The following PRDM5 variants were observed in gnomAD, a reference collection of about 807,000 sequenced individuals.
PRDM5 encodes PR domain zinc finger protein 5.
Under a neutral mutation model 81.2 loss-of-function variants are expected in PRDM5, and 56 were observed. The observed-to-expected ratio is 0.69, with a 90% confidence interval of 0.56 to 0.86. The LOEUF is 0.86. Ranked by LOEUF, PRDM5 falls within the 40% of genes least tolerant of loss-of-function variation. PRDM5 has a pLI of 0.00. For missense variants in PRDM5, 697 were observed against 770.1 expected (o/e 0.91, Z 1.12); for synonymous variants, 267 against 256.4 (o/e 1.04, Z -0.39).
intron 2 of PRDM5, among the ~76,000 whole-genome samples, chr4:120,865,002 A>C (rs1011204611): frequency 1.3e-5 from 2 of 152,216 alleles, no homozygotes; most frequent in Admixed American, 1.3e-4. Context: ...CTGCTCTGGC[A>C]ACAAAAAATC....
At chr4:120,866,151 C>A (rs758964493) in intron 2 of PRDM5, among the ~76,000 whole-genome samples, 13 of 152,228 alleles carry the variant, frequency 8.5e-5, no homozygotes, top group Non-Finnish European at 1.9e-4. Context: ...AGAGGCCCTT[C>A]ACATGCTGAC....
chr4:120,868,671 C>T (rs1298229308), intron 2 of PRDM5, among the ~76,000 whole-genome samples: 1 of 152,070 alleles, frequency 6.6e-6, no homozygotes, highest in African/African-American at 2.4e-5. Context: ...TTATTTGGGA[C>T]CAAAGCTTCT....
chr4:120,701,753 A>C (rs542643670), intron 15 of PRDM5, among the ~76,000 whole-genome samples: 1 of 152,236 alleles, frequency 6.6e-6, no homozygotes, highest in South Asian at 2.1e-4. Context: ...TTCACACCTA[A>C]AACCTCAGTA....
chr4:120,839,166 C>T (rs1757700911), intron 3 of PRDM5: 3 of 693,906 alleles, frequency 4.3e-6, no homozygotes, highest in Admixed American at 2.0e-5. Context: ...GGCTGCAGCT[C>T]TTCTCTCCTT....
chr4:120,741,761 C>A (rs1028736584), intron 14 of PRDM5, among the ~76,000 whole-genome samples: 2 of 152,162 alleles, frequency 1.3e-5, no homozygotes, highest in African/African-American at 4.8e-5. Context: ...TATCATGCAC[C>A]TGGCTCAGAG....
At chr4:120,893,943 G>A (rs779583290) in intron 2 of PRDM5, among the ~76,000 whole-genome samples, 6 of 152,086 alleles carry the variant, frequency 3.9e-5, no homozygotes, top group Non-Finnish European at 7.4e-5. Flanking sequence ...CTCTAAAGAG[G>A]CATCAGCTTT....
chr4:120,906,806 T>C (rs1765849952), intron 2 of PRDM5, among the ~76,000 whole-genome samples: 1 of 152,086 alleles, frequency 6.6e-6, no homozygotes, highest in South Asian at 2.1e-4. Context: ...TGAGATTTGT[T>C]TCTATACAAT....
intron 1 of PRDM5, among the ~76,000 whole-genome samples, chr4:120,920,189 C>G (rs760077947): frequency 1.3e-5 from 2 of 152,142 alleles, no homozygotes; most frequent in Non-Finnish European, 2.9e-5. Flanking sequence ...GATTCCCCAA[C>G]CTCAGTCTGG....
At chr4:120,720,133 G>C (rs557780163) in intron 14 of PRDM5, among the ~76,000 whole-genome samples, 6 of 152,162 alleles carry the variant, frequency 3.9e-5, no homozygotes, top group Non-Finnish European at 8.8e-5. Context: ...TGGAGTAAAG[G>C]GCTTCTTGTA....
At chr4:120,791,871 G>T (rs1378725419) in intron 10 of PRDM5, among the ~76,000 whole-genome samples, 1 of 152,194 alleles carries the variant, frequency 6.6e-6, no homozygotes, top group Non-Finnish European at 1.5e-5. Context: ...AGGAGAGCTT[G>T]CACTCCCTCT....
In PRDM5 at chr4:120,818,403, C is replaced by G. The variant is rs574023609; in HGVS notation, c.600G>C (p.Lys200Asn). 16 of 1,614,068 alleles carry G rather than the reference C, an allele frequency of 9.9e-6. No individual in the cohort carries two copies. In the African/African-American group the frequency reaches 1.7e-4, roughly 17 times the overall value. ...GGAATTTCTTCCCACAGTTCTTGCA[C>G]TTAAATTCTTTCTCCTCTGTGGGTT... ...HQKPTEEKEF[K>N]CKNCGKKFPV... The change falls in exon 5 of 16, where the codon AAG (lysine) becomes AAC (asparagine). Residue 200 changes from lysine to asparagine, a missense_variant. Lys to Asn is a moderately conservative substitution (Grantham distance 94). Around this residue, in one of 3 missense-constraint regions of PRDM5, gnomAD observed 577 missense variants for 606.7 expected, o/e 0.95. Transcript: ENST00000264808.
rs1473840824 is a variant in PRDM5 at position 120,781,395 on chromosome 4, G to C, written c.1283-92C>G. The C allele has an allele frequency of 5.1e-6, 6 of 1,180,874 alleles. No individual in the cohort carries two copies. In the East Asian group the frequency reaches 1.2e-4, roughly 25 times the overall value. 73.1% of individuals were successfully genotyped at this position (1,180,874 alleles called of 1,614,324 possible). A position where few individuals can be genotyped will look rare whatever the true frequency, so the allele number is the denominator to read the frequency against. On this transcript the variant is annotated intron_variant, in intron 11 of 15. Coordinates refer to ENST00000264808, the MANE Select transcript of PRDM5 (RefSeq NM_018699.4). ...CAGACTTAGTTGCTTTCTCCAAAATGTTGGCTTTGTAGCTCTAAGAATGTT... is the reference window on the plus strand; with the variant it reads ...CAGACTTAGTTGCTTTCTCCAAAATCTTGGCTTTGTAGCTCTAAGAATGTT...
At chr4:120,815,424 T>TC (rs894094341) in intron 7 of PRDM5, among the ~76,000 whole-genome samples, 85 of 152,322 alleles carry the variant, frequency 5.6e-4, no homozygotes, top group African/African-American at 2.0e-3. Context: ...CACAGAGCTT[T>TC]CACCATAGGT....
chr4:120,814,278 C>G (rs1487218004), intron 7 of PRDM5, among the ~76,000 whole-genome samples: 2 of 152,150 alleles, frequency 1.3e-5, no homozygotes, highest in African/African-American at 4.8e-5. Flanking sequence ...TCATGGATAA[C>G]AGCACCTGCA....
chr4:120,785,235 T>C, intron 10 of PRDM5, 144 bp from the exon 11 acceptor site: 1 of 672,586 alleles, frequency 1.5e-6, no homozygotes, highest in South Asian at 1.7e-5. Flanking sequence ...TCTTCCACCG[T>C]AAAATTGTAA....
chr4:120,833,916 A>T (rs879601624), intron 3 of PRDM5, among the ~76,000 whole-genome samples: 1 of 152,188 alleles, frequency 6.6e-6, no homozygotes, highest in South Asian at 2.1e-4. Flanking sequence ...TGAAAGCTAG[A>T]TAAGTCCTAA....
chr4:120,779,934 A>AAACAAT (rs1553965237), intron 12 of PRDM5, among the ~76,000 whole-genome samples: 5 of 151,260 alleles, frequency 3.3e-5, no homozygotes, highest in South Asian at 2.1e-4. Flanking sequence ...ACAAACAAAC[A>AAACAAT]ATATATATAT....
intron 3 of PRDM5, among the ~76,000 whole-genome samples, chr4:120,852,384 T>C (rs1413779619): frequency 1.3e-5 from 2 of 152,136 alleles, no homozygotes; most frequent in Non-Finnish European, 2.9e-5. Context: ...ATAAAGTATA[T>C]TGCCCTCCAT....
chr4:120,702,651 A>G (rs1284493105), intron 15 of PRDM5, among the ~76,000 whole-genome samples: 2 of 152,204 alleles, frequency 1.3e-5, no homozygotes, highest in African/African-American at 2.4e-5. Context: ...TATGGACAAT[A>G]TAAGTACCCC....
Sources: allele counts gnomAD v4.1 joint callset (sites outside exome capture counted in the v4.1 genomes callset), GRCh38; gene constraint gnomAD v4.1.1; regional missense constraint gnomAD v4.1.1; transcripts MANE v1.5; gene names NCBI Gene and HGNC (gene_info 2026-07-23, HGNC 2026-07-21).